The following CEP192 variants were observed in gnomAD, a reference collection of about 807,000 sequenced individuals.
CEP192 encodes the protein centrosomal protein 192, also known as centrosomal protein of 192 kDa.
CEP192 carries 151 observed loss-of-function variants against 271.8 expected under a neutral mutation model. That is an observed-to-expected ratio of 0.56 (90% CI 0.49 to 0.64). CEP192 has a LOEUF of 0.64. Ranked by LOEUF, CEP192 falls within the 30% of genes least tolerant of loss-of-function variation. CEP192 has a pLI of 0.00. For missense variants in CEP192, 2,910 were observed against 3,020.5 expected (o/e 0.96, Z 0.86); for synonymous variants, 995 against 1,076.5 (o/e 0.92, Z 1.48).
intron 3 of CEP192, among the ~76,000 whole-genome samples, chr18:13,004,518 C>T (rs2033860367): frequency 1.3e-5 from 2 of 151,988 alleles, no homozygotes; most frequent in African/African-American, 4.8e-5. Context: ...GGGAGGACGG[C>T]CTGGGTGGGT....
intron 2 of CEP192, among the ~76,000 whole-genome samples, chr18:13,000,737 C>T (rs7233814): frequency 0.7 from 107,085 of 152,176 alleles, 38,876 homozygotes; most frequent in African/African-American, 0.89. Flanking sequence ...GGCAGATCAC[C>T]TGAGTTCAGG....
chr18:13,096,462 T>C (rs941595936), intron 36 of CEP192, among the ~76,000 whole-genome samples, 155 bp downstream of exon 36: 1 of 152,204 alleles, frequency 6.6e-6, no homozygotes, highest in African/African-American at 2.4e-5. Context: ...AGGTCAGCTG[T>C]GAGTTCAAGT....
At chr18:12,995,893 C>T (rs563440123) in intron 1 of CEP192, among the ~76,000 whole-genome samples, 2 of 152,246 alleles carry the variant, frequency 1.3e-5, no homozygotes, top group South Asian at 4.1e-4. Flanking sequence ...GCTGGCTTAG[C>T]ATGTTTCAGG....
chr18:13,072,784 C>T lies in CEP192; in HGVS notation c.5378C>T (p.Ser1793Phe). 6.2e-7 allele frequency: 1 copy of T among 1,611,392 alleles called. No homozygotes were observed. The highest frequency in any genetic ancestry group is 8.5e-7 in the Non-Finnish European group (1 of 1,177,540). ...QLQKLALRNN[S>F]ASTTQHLRLL... ...CAGAAACTAGCTTTAAGAAATAATT[C>T]TGCATCTACAACTCAACATTTACGA... Residue 1793 changes from serine to phenylalanine, a missense_variant, in exon 29 of 45, where the codon TCT becomes TTT. Coordinates refer to ENST00000506447, the MANE Select transcript of CEP192 (RefSeq NM_032142.4).
intron 14 of CEP192, 112 bp from the exon 15 acceptor site, chr18:13,042,085 ATTTGGGG>A (rs1392995913): frequency 1.4e-6 from 1 of 729,850 alleles, no homozygotes; most frequent in Non-Finnish European, 2.2e-6. Context: ...GGCAACTGAC[ATTTGGGG>A]TACAAAGACA....
Position 13,068,408 on chromosome 18 carries a change from A to C in CEP192, c.4808A>C (p.Gln1603Pro), listed in dbSNP as rs1248987695. The change falls in exon 24 of 45, where the codon CAG becomes CCG. Residue 1603 changes from glutamine to proline, a missense_variant. Coordinates refer to ENST00000506447, the MANE Select transcript of CEP192 (RefSeq NM_032142.4). ...IWVLFHSPKK[Q>P]ISSSDILDSA... ...GTTCTTTTCCATAGTCCAAAGAAAC[A>C]GATCAGCTCTTCAGGTATCATGTTT... The C allele has an allele frequency of 6.2e-7, 1 of 1,611,582 alleles. No individual in the cohort carries two copies. The highest frequency in any genetic ancestry group is 1.1e-5 in the South Asian group (1 of 90,596).
At position 13,049,779 on chromosome 18, in the gene CEP192, T is replaced by C. The variant is rs1406711446; in HGVS notation, c.2905T>C (p.Ser969Pro). The change falls in exon 17 of 45, where the codon TCT (serine) becomes CCT (proline). Residue 969 changes from serine (S) to proline (P), a missense_variant. Physicochemically the swap from Ser to Pro is moderately conservative, Grantham distance 74. Transcript: ENST00000506447. ...CTTTCTGATAGATTTGAAAAATACC[T>C]CTCCTGAGCATGGTGGACGTGGCTC... is the stretch of plus-strand genomic sequence containing the variant. ...SPKNSDLKNTSPEHGGRGSED... is the reference protein window; with the variant it reads ...SPKNSDLKNTPPEHGGRGSED... 6.2e-7 allele frequency: 1 copy of C among 1,612,258 alleles called. No homozygotes were observed. The highest frequency in any genetic ancestry group is 1.3e-5 in the African/African-American group (1 of 74,906).
chr18:12,998,464 C>G (rs1444198348), intron 1 of CEP192, among the ~76,000 whole-genome samples: 1 of 152,170 alleles, frequency 6.6e-6, no homozygotes, highest in South Asian at 2.1e-4. Context: ...CTAATTTAGT[C>G]TCTCAGTTTG....
chr18:12,994,122 T>C (rs889196128), intron 1 of CEP192, among the ~76,000 whole-genome samples: 3 of 152,184 alleles, frequency 2.0e-5, no homozygotes, highest in South Asian at 2.1e-4. Context: ...AAGGAAATAG[T>C]GATGGACAGA....
rs184196327 is a variant in CEP192, at chr18:13,115,098, G to A, written c.7289+847G>A. Among the ~76,000 whole-genome samples the A allele has an allele frequency of 5.6e-3, 853 of 152,234 alleles. 1 individual carries two copies. Among genetic ancestry groups the A allele is most frequent in the Non-Finnish European group, 8.2e-3 (558 of 68,016 alleles). ...TTTAGTCATTTATTTTTTAATGGGA[G>A]CCAATAATGCATTTGGAAGAAATTA... On this transcript the variant is annotated intron_variant, in intron 42 of 44. Transcript: ENST00000506447.
Position 13,116,357 on chromosome 18 carries a change from T to TA in CEP192, c.7290-19dup, listed in dbSNP as rs1387943299. The TA allele has an allele frequency of 3.1e-6, 5 of 1,609,252 alleles. No homozygotes were observed. Among genetic ancestry groups the TA allele is most frequent in the Admixed American group, 1.7e-5 (1 of 58,996 alleles). ...CTGTGGATTTCAGATTCTTAACTTTTACACCTATTCCCAAAGCAGGCAGCT... is the reference window on the plus strand; with the variant it reads ...CTGTGGATTTCAGATTCTTAACTTTTAACACCTATTCCCAAAGCAGGCAGCT... On this transcript the variant is annotated intron_variant, in intron 42 of 44. Transcript: ENST00000506447.
rs10716258 is a variant in CEP192, at chr18:13,060,929, GAA to G, written c.4488+1628_4488+1629del. On this transcript the variant is annotated intron_variant, in intron 21 of 44. Coordinates refer to ENST00000506447, the MANE Select transcript of CEP192 (RefSeq NM_032142.4). ...ACAGAGCGAGACCCAGTCTTAAAAGGAAAAAAAAAAAATGAACTAATTTCCTA... is the reference window on the plus strand; with the variant it reads ...ACAGAGCGAGACCCAGTCTTAAAAGGAAAAAAAAAATGAACTAATTTCCTA... Among the ~76,000 whole-genome samples the G allele has an allele frequency of 5.5e-4, 81 of 148,260 alleles. 1 individual carries two copies. Among genetic ancestry groups the G allele is most frequent in the African/African-American group, 9.1e-4 (37 of 40,626 alleles).
chr18:13,081,523 C>A (rs1208149340), intron 30 of CEP192, among the ~76,000 whole-genome samples: 1 of 151,984 alleles, frequency 6.6e-6, no homozygotes, highest in Non-Finnish European at 1.5e-5. Flanking sequence ...GATTCTTCTC[C>A]CTTTTCTTCT....
chr18:13,001,393 C>A, intron 2 of CEP192, 64 bp from the exon 3 acceptor site: 2 of 1,208,190 alleles, frequency 1.7e-6, no homozygotes, highest in Non-Finnish European at 1.2e-6. Flanking sequence ...AGCCCTATGT[C>A]ATGATGACAT....
rs575627269 is a variant in CEP192, at chr18:13,107,810, T to TA, written c.7047+2737dup. Among the ~76,000 whole-genome samples, 428 of 150,172 alleles carry TA rather than the reference T, an allele frequency of 2.9e-3. 2 individuals carry two copies. Among genetic ancestry groups the TA allele is most frequent in the African/African-American group, 0.01 (415 of 40,700 alleles). ...GCACTGTGATACTGACTTTGTTTAT[T>TA]AAAAAATAATTGTTTCCAAATTAAT... On this transcript the variant is annotated intron_variant, in intron 40 of 44. Coordinates refer to ENST00000506447, the MANE Select transcript of CEP192 (RefSeq NM_032142.4).
intron 4 of CEP192, among the ~76,000 whole-genome samples, chr18:13,009,271 T>C (rs565547385): frequency 9.2e-5 from 14 of 152,194 alleles, no homozygotes; most frequent in Non-Finnish European, 1.9e-4. Flanking sequence ...CTCTTAACCT[T>C]GTTGACTCAT....
intron 40 of CEP192, 94 bp from the exon 41 acceptor site, chr18:13,113,492 A>T: frequency 7.9e-7 from 1 of 1,269,292 alleles, no homozygotes; most frequent in Non-Finnish European, 1.1e-6. Context: ...TTGTTCCTTT[A>T]ATTTTTTTCA....
In CEP192 at chr18:13,052,978, AGTT is replaced by A; in HGVS notation, c.3080_3082del (p.Leu1027del). On this transcript the variant is annotated inframe_deletion, in exon 18 of 45. Coordinates refer to ENST00000506447, the MANE Select transcript of CEP192 (RefSeq NM_032142.4). ...CAGCAGCAGCCTCCCTGTGAGCAGG[AGTT>A]GTCTCCCTTGGTGTGCTCGCCTGCT... is the stretch of plus-strand genomic sequence containing the variant. 1 of 1,613,764 alleles carries A rather than the reference AGTT, an allele frequency of 6.2e-7. No homozygotes were observed. Among genetic ancestry groups the A allele is most frequent in the South Asian group, 1.1e-5 (1 of 91,036 alleles).
intron 39 of CEP192, 122 bp downstream of exon 39, chr18:13,103,710 C>A: frequency 1.2e-6 from 1 of 856,440 alleles, no homozygotes; most frequent in Non-Finnish European, 1.9e-6. Context: ...TTTTCTGAGA[C>A]AAAAAAGTCT....
Sources: allele counts gnomAD v4.1 joint callset (sites outside exome capture counted in the v4.1 genomes callset), GRCh38; gene constraint gnomAD v4.1.1; transcripts MANE v1.5; gene names NCBI Gene and HGNC (gene_info 2026-07-23, HGNC 2026-07-21).